The following STIM2 variants were observed in gnomAD, a reference collection of about 807,000 sequenced individuals.
STIM2 encodes stromal interaction molecule 2.
STIM2 carries 31 observed loss-of-function variants against 85.8 expected under a neutral mutation model. That is an observed-to-expected ratio of 0.36 (90% CI 0.27 to 0.49). The LOEUF (loss-of-function observed/expected upper bound fraction) is 0.49. Among genes scored for constraint, STIM2 ranks in the 20% least tolerant of loss-of-function variants. The probability of loss-of-function intolerance (pLI) is 0.98; values close to 1 mark genes in which losing one functional copy is unlikely to be tolerated. For missense variants in STIM2, 841 were observed against 927.6 expected (o/e 0.91, Z 1.21); for synonymous variants, 356 against 331.1 (o/e 1.08, Z -0.82).
In STIM2 at chr4:27,019,582, A is replaced by G. The variant is rs1448809871; in HGVS notation, c.1763+1598A>G. Reference sequence around the variant, plus strand: ...ATAGCTAGCTCTCATAAATAAGAGAATGATTTGAATTTGGAAAACTTTTCT... The same window carrying G: ...ATAGCTAGCTCTCATAAATAAGAGAGTGATTTGAATTTGGAAAACTTTTCT... On this transcript the variant is annotated intron_variant, in intron 11 of 11. Transcript: ENST00000467087. The G allele has an allele frequency of 6.1e-6, 6 of 980,404 alleles. No homozygotes were observed. The African/African-American group carries it at 1.0e-4, about 17-fold the overall frequency. 60.7% of individuals were successfully genotyped at this position (980,404 alleles called of 1,614,324 possible).
intron 5 of STIM2, among the ~76,000 whole-genome samples, chr4:26,999,961 G>T (rs1002981115): frequency 7.9e-5 from 12 of 152,074 alleles, no homozygotes; most frequent in Admixed American, 2.6e-4. Context: ...CCCCAGAAGA[G>T]AAATTTAATA....
intron 11 of STIM2, chr4:27,021,077 G>C: frequency 6.5e-7 from 1 of 1,533,742 alleles, no homozygotes; most frequent in Non-Finnish European, 8.7e-7. Context: ...AAGTGAGTAA[G>C]ATGTGATCCC....
chr4:27,002,495 C>A, intron 6 of STIM2, 101 bp downstream of exon 6: 1 of 861,758 alleles, frequency 1.2e-6, no homozygotes, highest in Non-Finnish European at 1.8e-6. Context: ...GGTTATTATA[C>A]ACATCAGGAA....
rs1560194633 is a variant in STIM2, at chr4:26,885,853, A to ATG, written c.151+24485_151+24486insGT. Among the ~76,000 whole-genome samples, 519 of 58,652 alleles carry ATG rather than the reference A, an allele frequency of 8.8e-3. 22 individuals carry two copies. The highest frequency in any genetic ancestry group is 0.014 in the Non-Finnish European group (437 of 30,926). The allele number at this position is 58,652 out of a possible 152,430, so 38.5% of individuals were successfully genotyped here. A position where few individuals can be genotyped will look rare whatever the true frequency, so the allele number is the denominator to read the frequency against. On this transcript the variant is annotated intron_variant, in intron 1 of 11. Transcript: ENST00000467087. ...TATATATATATATATATATATATAT[A>ATG]TATATATATATATATATATATGTAT...
At chr4:26,910,450 G>A (rs1033510703) in intron 1 of STIM2, among the ~76,000 whole-genome samples, 1 of 152,030 alleles carries the variant, frequency 6.6e-6, no homozygotes, top group African/African-American at 2.4e-5. Context: ...CCTGAACTCC[G>A]GAGGCAGAGG....
In STIM2 at chr4:26,879,719, A is replaced by G. The variant is rs116381112; in HGVS notation, c.151+18350A>G. Among the ~76,000 whole-genome samples, 1,350 of 152,336 alleles carry G rather than the reference A, an allele frequency of 8.9e-3. 28 individuals are homozygous for G. Among genetic ancestry groups the G allele is most frequent in the African/African-American group, 0.031 (1,291 of 41,566 alleles). ...TAATATTCCATCTCATGGATACTTC[A>G]TAATATATGTAACTATTCCTTGTCA... On this transcript the variant is annotated intron_variant, in intron 1 of 11. Transcript: ENST00000467087.
At chr4:27,016,959 A>G (rs1043622524) in intron 10 of STIM2, among the ~76,000 whole-genome samples, 14 of 152,202 alleles carry the variant, frequency 9.2e-5, no homozygotes, top group African/African-American at 3.1e-4. Context: ...GAAGCCACCC[A>G]CTTTTTGTTC....
intron 1 of STIM2, among the ~76,000 whole-genome samples, chr4:26,895,715 T>C (rs1247125672): frequency 6.6e-6 from 1 of 152,206 alleles, no homozygotes. Context: ...TTTGTTCTCA[T>C]GAAACATTCA....
At chr4:26,958,621 T>C (rs2109094226) in intron 3 of STIM2, among the ~76,000 whole-genome samples, 1 of 152,244 alleles carries the variant, frequency 6.6e-6, no homozygotes, top group African/African-American at 2.4e-5. Flanking sequence ...TCTGTTGAAA[T>C]ACACTTGGGT....
chr4:26,956,724 ATTATTAT>A (rs1176231314), intron 2 of STIM2, among the ~76,000 whole-genome samples: 4 of 152,154 alleles, frequency 2.6e-5, no homozygotes, highest in South Asian at 2.1e-4. Context: ...AATTGAGAAG[ATTATTAT>A]TTATTATGTT....
intron 1 of STIM2, among the ~76,000 whole-genome samples, chr4:26,896,030 C>G (rs1180499454): frequency 6.6e-6 from 1 of 152,198 alleles, no homozygotes; most frequent in African/African-American, 2.4e-5. Flanking sequence ...GCCATGTCCT[C>G]ATCTGGAGCA....
At chr4:27,017,602 GA>G in intron 10 of STIM2, 108 bp from the exon 11 acceptor site, 1 of 1,356,644 alleles carries the variant, frequency 7.4e-7, no homozygotes, top group Non-Finnish European at 1.0e-6. Flanking sequence ...AAAGGGAGAT[GA>G]AACAGTGACA....
chr4:26,912,471 A>G (rs573370915), intron 1 of STIM2, among the ~76,000 whole-genome samples: 22 of 152,336 alleles, frequency 1.4e-4, no homozygotes, highest in African/African-American at 5.3e-4. Flanking sequence ...CCCCACATAT[A>G]TCAATTGACT....
chr4:27,009,991 T>C (rs950076393), intron 10 of STIM2, among the ~76,000 whole-genome samples: 1 of 152,196 alleles, frequency 6.6e-6, no homozygotes, highest in African/African-American at 2.4e-5. Flanking sequence ...AAACACTTTT[T>C]GGGTTGGGGG....
intron 10 of STIM2, 114 bp from the exon 11 acceptor site, chr4:27,017,597 G>T: frequency 2.3e-6 from 3 of 1,296,282 alleles, no homozygotes; most frequent in Non-Finnish European, 3.3e-6. Context: ...TCAGTAAAGG[G>T]AGATGAAACA....
intron 3 of STIM2, among the ~76,000 whole-genome samples, chr4:26,964,211 A>G (rs1173519574): frequency 6.6e-6 from 1 of 152,214 alleles, no homozygotes; most frequent in African/African-American, 2.4e-5. Flanking sequence ...GATTCCACTC[A>G]TATTCCAGTG....
chr4:26,865,945 A>G (rs10213530), intron 1 of STIM2, among the ~76,000 whole-genome samples: 3,789 of 151,852 alleles, frequency 0.025, 163 homozygotes, highest in African/African-American at 0.088. Flanking sequence ...TATATTATAC[A>G]TCACTGTTTT....
At chr4:26,976,445 A>G (rs1179390030) in intron 3 of STIM2, among the ~76,000 whole-genome samples, 1 of 150,508 alleles carries the variant, frequency 6.6e-6, no homozygotes, top group East Asian at 2.0e-4. Context: ...AGTAATGAGA[A>G]GTTGATTGTA....
chr4:26,946,319 C>T (rs1249456357), intron 2 of STIM2, among the ~76,000 whole-genome samples: 1 of 151,992 alleles, frequency 6.6e-6, no homozygotes, highest in Non-Finnish European at 1.5e-5. Context: ...GAAACTATAC[C>T]AAAATTAGAA....
Sources: allele counts gnomAD v4.1 joint callset (sites outside exome capture counted in the v4.1 genomes callset), GRCh38; gene constraint gnomAD v4.1.1; transcripts MANE v1.5; gene names NCBI Gene and HGNC (gene_info 2026-07-23, HGNC 2026-07-21).